DUSP8: variants seen among roughly 807,000 people sequenced by gnomAD.
The protein encoded by DUSP8 is dual specificity protein phosphatase 8.
In DUSP8, 15 loss-of-function variants were observed where a neutral mutation model predicts 38.7. That is an observed-to-expected ratio of 0.39 (90% CI 0.26 to 0.60). The LOEUF (loss-of-function observed/expected upper bound fraction) is 0.60. DUSP8 is among the 20% of genes least tolerant of loss of function. The probability of loss-of-function intolerance (pLI) is 0.56; values close to 1 mark genes in which losing one functional copy is unlikely to be tolerated. For missense variants in DUSP8, 768 were observed against 915.0 expected (o/e 0.84, Z 2.07); for synonymous variants, 458 against 433.9 (o/e 1.06, Z -0.69).
intron 3 of DUSP8, 47 bp downstream of exon 3, chr11:1,563,804 C>T (rs1484370129): frequency 2.8e-6 from 4 of 1,439,878 alleles, no homozygotes; most frequent in Non-Finnish European, 2.8e-6. Flanking sequence ...CCCAGCCCCA[C>T]TGCTGGCGGA....
rs1848764070 is a variant in DUSP8 at position 1,564,051 on chromosome 11, C to T, written c.232-62G>A. On this transcript the variant is annotated intron_variant, in intron 2 of 6. Coordinates refer to ENST00000397374, the MANE Select transcript of DUSP8 (RefSeq NM_004420.3). ...CACCTATCGATGCCCTGGCCCCGTC[C>T]CAGATATGCTGGCTCAAGGGAATAG... The T allele has an allele frequency of 2.9e-6, 4 of 1,369,950 alleles. No homozygotes were observed. The Admixed American group carries it at 1.0e-4, about 35-fold the overall frequency. 84.9% of individuals were successfully genotyped at this position (1,369,950 alleles called of 1,614,324 possible).
At chr11:1,571,227 G>C (rs1848886659) in intron 1 of DUSP8, 1 of 152,274 alleles carries the variant, frequency 6.6e-6, no homozygotes, top group Admixed American at 6.5e-5. Context: ...TGGGCCTAGC[G>C]AGGTGGCTGC....
In DUSP8 at chr11:1,556,718, C is replaced by T; in HGVS notation, c.1678G>A (p.Glu560Lys). The change falls in exon 7 of 7, where the codon GAG (glutamate) becomes AAG (lysine). Residue 560 changes from glutamate to lysine, a missense_variant. By Grantham distance (56) the Glu-to-Lys change is moderately conservative. Transcript: ENST00000397374. This position sits in a 1 kb window ranked among gnomAD's most constrained non-coding sequence, Gnocchi z 5.2. The part of the protein sequence containing the change: ...PGGGSDLRRR[E>K]AARAEPRDAR... ...TCCCGGGGCTCAGCCCTCGCTGCCT[C>T]CCGCCGCCGCAGGTCGCTGCCGCCG... 4.0e-6 allele frequency: 5 copies of T among 1,236,550 alleles called. No homozygotes were observed. Among genetic ancestry groups the T allele is most frequent in the African/African-American group, 1.6e-5 (1 of 64,182 alleles). The allele number at this position is 1,236,550 out of a possible 1,614,324, so 76.6% of individuals were successfully genotyped here. A position where few individuals can be genotyped will look rare whatever the true frequency, so the allele number is the denominator to read the frequency against.
intron 1 of DUSP8, among the ~76,000 whole-genome samples, chr11:1,568,691 C>T (rs1848843708): frequency 6.6e-6 from 1 of 152,172 alleles, no homozygotes; most frequent in African/African-American, 2.4e-5. Context: ...CGCTCCTCTG[C>T]CCTACCTGGT....
At position 1,565,584 on chromosome 11, in the gene DUSP8, T is replaced by A. The variant is rs941630966; in HGVS notation, c.231+12A>T. On this transcript the variant is annotated intron_variant, in intron 2 of 6. Coordinates refer to ENST00000397374, the MANE Select transcript of DUSP8 (RefSeq NM_004420.3). ...GACGTGATGCATGCCTGGTGGGCAGTGGGCTGGGTACCTGGCTGCGTGCAG... is the reference window on the plus strand; with the variant it reads ...GACGTGATGCATGCCTGGTGGGCAGAGGGCTGGGTACCTGGCTGCGTGCAG... 6.3e-7 allele frequency: 1 copy of A among 1,590,630 alleles called. No individual in the cohort carries two copies. The highest frequency in any genetic ancestry group is 1.3e-5 in the African/African-American group (1 of 74,554).
intron 1 of DUSP8, among the ~76,000 whole-genome samples, chr11:1,570,368 CCT>C (rs985504985): frequency 2.0e-4 from 30 of 152,174 alleles, no homozygotes; most frequent in African/African-American, 6.0e-4. Flanking sequence ...AGTCCAACCA[CCT>C]CTCTCTCACT....
chr11:1,562,667 GCACACACATACATGCATGCACATGCACA>G (rs985438423), intron 3 of DUSP8, among the ~76,000 whole-genome samples: 4 of 150,292 alleles, frequency 2.7e-5, no homozygotes, highest in African/African-American at 7.4e-5. Flanking sequence ...ACATGTACAT[GCACACACATACATGCATGCACATGCACA>G]CACACACATA....
At chr11:1,572,391 C>T (rs899653402), upstream of DUSP8, among the ~76,000 whole-genome samples, 70 of 120,766 alleles carry the variant, frequency 5.8e-4, no homozygotes, top group Non-Finnish European at 5.0e-4. The surrounding 1 kb of genome is among the most constrained non-coding windows in gnomAD (Gnocchi z 4.7). Context: ...GTGACGTCAG[C>T]GGAGCCCGGG....
rs535808189 is a variant in DUSP8, at chr11:1,556,664, C to T, written c.1732G>A (p.Ala578Thr). The part of the protein sequence containing the change: ...DARTGWPEEP[A>T]PETQFKRRSC... ...CGGCGCTTGAACTGCGTCTCCGGGG[C>T]CGGCTCCTCGGGCCAGCCGGTCCGC... The change falls in exon 7 of 7, where the codon GCC (alanine) becomes ACC (threonine). Residue 578 changes from alanine to threonine, a missense_variant. By Grantham distance (58) the Ala-to-Thr change is moderately conservative. Coordinates refer to ENST00000397374, the MANE Select transcript of DUSP8 (RefSeq NM_004420.3). This position sits in a 1 kb window ranked among gnomAD's most constrained non-coding sequence, Gnocchi z 5.2. 341 of 1,385,002 alleles carry T rather than the reference C, an allele frequency of 2.5e-4. 1 individual carries two copies. The African/African-American group carries it at 4.8e-3, about 20-fold the overall frequency. The allele number at this position is 1,385,002 out of a possible 1,614,324, so 85.8% of individuals were successfully genotyped here.
At chr11:1,568,521 G>A (rs530430677) in intron 1 of DUSP8, among the ~76,000 whole-genome samples, 8 of 152,250 alleles carry the variant, frequency 5.3e-5, no homozygotes, top group South Asian at 4.1e-4. Context: ...CACCTCCATC[G>A]TCACCATGGC....
Position 1,555,011 on chromosome 11 carries a change from G to T in DUSP8, c.*1507C>A. The T allele has an allele frequency of 1.0e-6, 1 of 986,238 alleles. No homozygotes were observed. Among genetic ancestry groups the T allele is most frequent in the Non-Finnish European group, 1.2e-6 (1 of 830,166 alleles). 61.1% of individuals were successfully genotyped at this position (986,238 alleles called of 1,614,324 possible). On this transcript the variant is annotated 3_prime_UTR_variant, in exon 7 of 7. Coordinates refer to ENST00000397374, the MANE Select transcript of DUSP8 (RefSeq NM_004420.3). Reference sequence around the variant, plus strand: ...AGCAGAGAGGGCGGCTGGCTGGGGCGGGATGGGCGCCTCCCTGGCCCTGCT... The same window carrying T: ...AGCAGAGAGGGCGGCTGGCTGGGGCTGGATGGGCGCCTCCCTGGCCCTGCT...
chr11:1,559,088 G>C (rs1306697740), intron 3 of DUSP8, 33 bp from the exon 4 acceptor site: 1 of 1,598,462 alleles, frequency 6.3e-7, no homozygotes, highest in South Asian at 1.1e-5. Flanking sequence ...TGGGTTGAGA[G>C]AACACCTAGG....
At chr11:1,563,492 C>T (rs1269059192) in intron 3 of DUSP8, among the ~76,000 whole-genome samples, 2 of 151,738 alleles carry the variant, frequency 1.3e-5, no homozygotes, top group African/African-American at 2.4e-5. Context: ...GCTGGGCTTT[C>T]GGAGGTGGGG....
chr11:1,564,113 C>T, intron 2 of DUSP8, 124 bp from the exon 3 acceptor site: 3 of 1,216,284 alleles, frequency 2.5e-6, no homozygotes, highest in Non-Finnish European at 3.2e-6. Flanking sequence ...GCAGCTGTCA[C>T]CTTGCTGCCT....
chr11:1,562,875 C>T (rs1468354036), intron 3 of DUSP8, among the ~76,000 whole-genome samples: 1 of 152,154 alleles, frequency 6.6e-6, no homozygotes, highest in Non-Finnish European at 1.5e-5. Flanking sequence ...AATGCTCTTG[C>T]CCAGGACACT....
chr11:1,562,918 G>A (rs759706317), intron 3 of DUSP8, among the ~76,000 whole-genome samples: 22 of 152,268 alleles, frequency 1.4e-4, no homozygotes, highest in Admixed American at 2.0e-4. Context: ...GTGCCCTTTA[G>A]GTCCCAGGAC....
rs780609010 is a variant in DUSP8 at position 1,556,739 on chromosome 11, C to T, written c.1657G>A (p.Gly553Ser). 2.8e-5 allele frequency: 34 copies of T among 1,224,734 alleles called. No homozygotes were observed. The African/African-American group carries it at 4.5e-4, about 16-fold the overall frequency. 75.9% of individuals were successfully genotyped at this position (1,224,734 alleles called of 1,614,324 possible). A position where few individuals can be genotyped will look rare whatever the true frequency, so the allele number is the denominator to read the frequency against. ...GCCTCCCGCCGCCGCAGGTCGCTGC[C>T]GCCGCCTGGTCCCGGGGCGCCCGCC... ...GRAGAPGPGG[G>S]SDLRRREAAR... is the part of the protein sequence containing the mutation. The change falls in exon 7 of 7, where the codon GGC becomes AGC. Residue 553 changes from glycine (G) to serine (S), a missense_variant. This residue lies in a region of DUSP8 where 474 missense variants were observed against 430.8 expected (regional missense o/e 1.10). Coordinates refer to ENST00000397374, the MANE Select transcript of DUSP8 (RefSeq NM_004420.3). This position sits in a 1 kb window ranked among gnomAD's most constrained non-coding sequence, Gnocchi z 5.2.
chr11:1,562,829 C>G (rs557941868), intron 3 of DUSP8, among the ~76,000 whole-genome samples: 7 of 152,196 alleles, frequency 4.6e-5, no homozygotes, highest in Non-Finnish European at 8.8e-5. Context: ...GGGTGCTGGT[C>G]TCACCCACAG....
Position 1,556,720 on chromosome 11 carries a change from C to T in DUSP8, c.1676G>A (p.Arg559Gln). 1.6e-6 allele frequency: 2 copies of T among 1,236,154 alleles called. No homozygotes were observed. The highest frequency in any genetic ancestry group is 3.2e-5 in the East Asian group (1 of 31,376). 76.6% of individuals were successfully genotyped at this position (1,236,154 alleles called of 1,614,324 possible). A position where few individuals can be genotyped will look rare whatever the true frequency, so the allele number is the denominator to read the frequency against. ...CCGGGGCTCAGCCCTCGCTGCCTCC[C>T]GCCGCCGCAGGTCGCTGCCGCCGCC... ...GPGGGSDLRR[R>Q]EAARAEPRDA... Residue 559 changes from arginine (R) to glutamine (Q), a missense_variant, in exon 7 of 7, where the codon CGG becomes CAG. Physicochemically the swap from Arg to Gln is conservative, Grantham distance 43. This residue lies in a region of DUSP8 where 474 missense variants were observed against 430.8 expected (regional missense o/e 1.10). Transcript: ENST00000397374. This position sits in a 1 kb window ranked among gnomAD's most constrained non-coding sequence, Gnocchi z 5.2.
Sources: gnomAD v4.1 joint callset for allele counts (sites outside exome capture counted in the v4.1 genomes callset) on GRCh38, gnomAD v4.1.1 for gene constraint, gnomAD v4.1.1 regional missense constraint, Gnocchi (gnomAD v3.1) non-coding constraint, MANE v1.5 for transcripts, NCBI Gene and HGNC (gene_info 2026-07-23, HGNC 2026-07-21) for gene names.